Variants in PTPRN2 observed in about 807,000 individuals in gnomAD.
PTPRN2 encodes the protein protein tyrosine phosphatase receptor type N2.
Under a neutral mutation model 118.8 loss-of-function variants are expected in PTPRN2, and 74 were observed. That is an observed-to-expected ratio of 0.62 (90% CI 0.52 to 0.76). PTPRN2 has a LOEUF of 0.76. Among genes scored for constraint, PTPRN2 ranks in the 30% least tolerant of loss-of-function variants. The pLI is 0.00. For missense variants in PTPRN2, 1,481 were observed against 1,394.4 expected (o/e 1.06, Z -0.99); for synonymous variants, 641 against 608.0 (o/e 1.05, Z -0.80).
At position 157,893,606 on chromosome 7, in the gene PTPRN2, C is replaced by T. The variant is rs1040777227; in HGVS notation, c.1788+5067G>A. 1.3e-5 allele frequency among the ~76,000 whole-genome samples: 2 copies of T among 152,156 alleles called. No homozygotes were observed. The highest frequency in any genetic ancestry group is 4.8e-5 in the African/African-American group (2 of 41,430). ...AAAACCTGACGGGAGAAACAGGCTG[C>T]GGCAGGAAGATCAAGAGCCCTGCGT... On this transcript the variant is annotated intron_variant, in intron 12 of 22. Transcript: ENST00000389418. The surrounding 1 kb of genome is among the most constrained non-coding windows in gnomAD (Gnocchi z 4.0).
intron 11 of PTPRN2, among the ~76,000 whole-genome samples, chr7:157,938,311 A>G (rs993692532): frequency 3.3e-5 from 5 of 152,240 alleles, no homozygotes; most frequent in Non-Finnish European, 7.3e-5. Flanking sequence ...AGCGTCAGCC[A>G]TGGGACAGCT....
chr7:158,149,564 G>T (rs994285916), intron 6 of PTPRN2, among the ~76,000 whole-genome samples: 1 of 152,112 alleles, frequency 6.6e-6, no homozygotes, highest in African/African-American at 2.4e-5. Flanking sequence ...AGCACTTTGG[G>T]GTCCGAGGTG....
rs1563082741 is a variant in PTPRN2, at chr7:157,763,268, C to A, written c.1789-80331G>T. Among the ~76,000 whole-genome samples the A allele has an allele frequency of 6.6e-6, 1 of 152,242 alleles. No homozygotes were observed. The highest frequency in any genetic ancestry group is 2.4e-5 in the African/African-American group (1 of 41,462). ...AAATTTCCAGCCACATACACCATGA[C>A]CTCTGGCGTGATGTGCCCTCCTCAT... On this transcript the variant is annotated intron_variant, in intron 12 of 22. Coordinates refer to ENST00000389418, the MANE Select transcript of PTPRN2 (RefSeq NM_002847.5). The surrounding 1 kb of genome is among the most constrained non-coding windows in gnomAD (Gnocchi z 4.9).
intron 2 of PTPRN2, among the ~76,000 whole-genome samples, chr7:158,424,528 GTC>G (rs1158993784): frequency 6.6e-6 from 1 of 152,188 alleles, no homozygotes; most frequent in Non-Finnish European, 1.5e-5. Context: ...CTATTAACCT[GTC>G]TCTGGCTACA....
At chr7:157,882,967 C>A (rs1221962290) in intron 12 of PTPRN2, among the ~76,000 whole-genome samples, 1 of 149,324 alleles carries the variant, frequency 6.7e-6, no homozygotes, top group Admixed American at 6.7e-5. Context: ...CCCAAAACGA[C>A]TGTTGGAGAA....
In PTPRN2 at chr7:157,632,979, G is replaced by A. The variant is rs1451983304; in HGVS notation, c.2197-11470C>T. Among the ~76,000 whole-genome samples the A allele has an allele frequency of 6.6e-6, 1 of 152,050 alleles. No homozygotes were observed. Among genetic ancestry groups the A allele is most frequent in the African/African-American group, 2.4e-5 (1 of 41,398 alleles). On this transcript the variant is annotated intron_variant, in intron 14 of 22. Transcript: ENST00000389418. The surrounding 1 kb of genome is among the most constrained non-coding windows in gnomAD (Gnocchi z 4.3). The stretch of plus-strand genomic sequence containing the variant: ...GCTAAGAGCTGCTGTCATTTCTGTC[G>A]GATTCCTGCCGATGTTGTGGTGGTC...
At position 157,794,128 on chromosome 7, in the gene PTPRN2, G is replaced by GTTCTCTGCTCTGACCCAGGCTCA. The variant is rs1804704106; in HGVS notation, c.1788+104544_1788+104545insTGAGCCTGGGTCAGAGCAGAGAA. Among the ~76,000 whole-genome samples the GTTCTCTGCTCTGACCCAGGCTCA allele has an allele frequency of 2.2e-5, 3 of 139,224 alleles. 1 individual carries two copies. Among genetic ancestry groups the GTTCTCTGCTCTGACCCAGGCTCA allele is most frequent in the African/African-American group, 8.5e-5 (3 of 35,222 alleles). The allele number at this position is 139,224 out of a possible 152,430, so 91.3% of individuals were successfully genotyped here. On this transcript the variant is annotated intron_variant, in intron 12 of 22. Transcript: ENST00000389418. The surrounding 1 kb of genome is among the most constrained non-coding windows in gnomAD (Gnocchi z 5.2). ...TCATTCTCTGCTCTGACCCGGGCTCGCACCTCCCCTCGTTCTCTGCTCTGA... is the reference window on the plus strand; with the variant it reads ...TCATTCTCTGCTCTGACCCGGGCTCGTTCTCTGCTCTGACCCAGGCTCACACCTCCCCTCGTTCTCTGCTCTGA...
At position 158,089,961 on chromosome 7, in the gene PTPRN2, G is replaced by A. The variant is rs1199878258; in HGVS notation, c.1644-8584C>T. Among the ~76,000 whole-genome samples, 2 of 39,364 alleles carry A rather than the reference G, an allele frequency of 5.1e-5. 1 individual carries two copies. Among genetic ancestry groups the A allele is most frequent in the Non-Finnish European group, 1.7e-4 (2 of 11,656 alleles). The allele number at this position is 39,364 out of a possible 152,430, so 25.8% of individuals were successfully genotyped here. On this transcript the variant is annotated intron_variant, in intron 10 of 22. Coordinates refer to ENST00000389418, the MANE Select transcript of PTPRN2 (RefSeq NM_002847.5). Reference sequence around the variant, plus strand: ...TCACACAAACCCTTCCTCCCCTGACGAAAGAGGGAGTCTTCACACAAACCC... The same window carrying A: ...TCACACAAACCCTTCCTCCCCTGACAAAAGAGGGAGTCTTCACACAAACCC...
chr7:157,924,615 C>T (rs998636791), intron 11 of PTPRN2, among the ~76,000 whole-genome samples: 5 of 152,238 alleles, frequency 3.3e-5, no homozygotes, highest in Admixed American at 1.3e-4. Context: ...ACAGGATGCA[C>T]GGGGAGGACA....
At chr7:157,938,966 G>A (rs936244738) in intron 11 of PTPRN2, among the ~76,000 whole-genome samples, 55 of 152,198 alleles carry the variant, frequency 3.6e-4, no homozygotes, top group African/African-American at 1.1e-3. Flanking sequence ...TGATCCACAC[G>A]GGCTACGAGC....
chr7:158,206,135 C>A (rs1827124560), intron 3 of PTPRN2, among the ~76,000 whole-genome samples: 1 of 152,188 alleles, frequency 6.6e-6, no homozygotes, highest in African/African-American at 2.4e-5. Flanking sequence ...TCCCTCAACC[C>A]TAGGCAGCAC....
intron 12 of PTPRN2, among the ~76,000 whole-genome samples, chr7:157,748,672 T>C (rs1801214207): frequency 6.8e-6 from 1 of 147,124 alleles, no homozygotes; most frequent in Non-Finnish European, 1.5e-5. Flanking sequence ...TTCAGGTGAT[T>C]GTGAGGCCTG....
chr7:157,833,126 G>T, intron 12 of PTPRN2, among the ~76,000 whole-genome samples: 1 of 150,848 alleles, frequency 6.6e-6, no homozygotes, highest in East Asian at 2.0e-4. Flanking sequence ...AGATGTGGCT[G>T]GTGCCCATCC....
At chr7:157,966,604 C>T (rs1373159826) in intron 11 of PTPRN2, among the ~76,000 whole-genome samples, 1 of 151,810 alleles carries the variant, frequency 6.6e-6, no homozygotes, top group Non-Finnish European at 1.5e-5. Flanking sequence ...CTACTATCAC[C>T]ATCACCATCA....
intron 12 of PTPRN2, among the ~76,000 whole-genome samples, chr7:157,738,321 G>A (rs1422802158): frequency 6.6e-6 from 1 of 152,172 alleles, no homozygotes; most frequent in Admixed American, 6.5e-5. Flanking sequence ...AGGGGAGGGA[G>A]GTGCTGGGGA....
chr7:158,460,915 G>A (rs1162255301), intron 2 of PTPRN2, among the ~76,000 whole-genome samples: 4 of 152,218 alleles, frequency 2.6e-5, no homozygotes, highest in East Asian at 1.9e-4. Context: ...AGAGAGAAAC[G>A]TGTGCACGCT....
chr7:158,165,213 GT>G (rs1244022840), intron 6 of PTPRN2, among the ~76,000 whole-genome samples: 1 of 136,094 alleles, frequency 7.3e-6, no homozygotes, highest in African/African-American at 2.6e-5. Flanking sequence ...GACCCTGATG[GT>G]GTCTAGTACC....
At chr7:158,124,762 A>G (rs1817479421) in intron 9 of PTPRN2, among the ~76,000 whole-genome samples, 1 of 152,152 alleles carries the variant, frequency 6.6e-6, no homozygotes, top group Non-Finnish European at 1.5e-5. Flanking sequence ...ATGCACCTGC[A>G]GAGCTGCTGG....
At chr7:158,134,571 C>T (rs376892791) in intron 8 of PTPRN2, among the ~76,000 whole-genome samples, 217 of 152,314 alleles carry the variant, frequency 1.4e-3, no homozygotes, top group Middle Eastern at 0.014. Flanking sequence ...GGGGCACCCT[C>T]AGTAACCCCA....
Sources: allele counts gnomAD v4.1 joint callset (sites outside exome capture counted in the v4.1 genomes callset), GRCh38; gene constraint gnomAD v4.1.1; non-coding constraint Gnocchi (gnomAD v3.1); transcripts MANE v1.5; gene names NCBI Gene and HGNC (gene_info 2026-07-23, HGNC 2026-07-21).